Variants in BCL9 observed in about 807,000 individuals in gnomAD.
BCL9 encodes B-cell CLL/lymphoma 9 protein.
BCL9 carries 25 observed loss-of-function variants against 88.5 expected under a neutral mutation model. The ratio of observed to expected loss-of-function variants is 0.28; its 90% CI spans 0.21 to 0.39. The LOEUF (loss-of-function observed/expected upper bound fraction) is 0.39. Ranked by LOEUF, BCL9 falls within the 10% of genes least tolerant of loss-of-function variation. BCL9 has a pLI of 1.00. For missense variants in BCL9, 1,817 were observed against 1,877.8 expected, an observed-to-expected ratio of 0.97 and a Z score of 0.60; for synonymous variants, 711 against 673.3, an observed-to-expected ratio of 1.06 and a Z score of -0.87.
At position 147,545,431 on chromosome 1, in the gene BCL9, G is replaced by A. The variant is rs782461103; in HGVS notation, c.-478+3757G>A. Among the ~76,000 whole-genome samples the A allele has an allele frequency of 2.6e-5, 4 of 152,200 alleles. 1 individual carries two copies. Among genetic ancestry groups the A allele is most frequent in the African/African-American group, 4.8e-5 (2 of 41,456 alleles). On this transcript the variant is annotated intron_variant, in intron 1 of 9. Transcript: ENST00000234739. ...TCTAAGAAGAGGAGTAATCCAAGTG[G>A]GGAGTTGAGGAGTGAGTAAAACGAG...
rs1658889648 is a variant in BCL9, at chr1:147,625,355, T to C, written c.*396T>C. The C allele has an allele frequency of 3.9e-6, 1 of 259,130 alleles. No homozygotes were observed. Among genetic ancestry groups the C allele is most frequent in the Non-Finnish European group, 7.5e-6 (1 of 132,960 alleles). The allele number at this position is 259,130 out of a possible 1,614,324, so 16.1% of individuals were successfully genotyped here. ...GTTTTTGTTTTTTTGATTTGGGCTT[T>C]ATTTTTTTCTGTGTACTGTACTATA... On this transcript the variant is annotated 3_prime_UTR_variant, in exon 10 of 10. Transcript: ENST00000234739.
At chr1:147,569,997 T>C (rs1414847935) in intron 1 of BCL9, among the ~76,000 whole-genome samples, 1 of 152,192 alleles carries the variant, frequency 6.6e-6, no homozygotes, top group Non-Finnish European at 1.5e-5. Flanking sequence ...TTATGTTGAA[T>C]ATAAAGACTC....
chr1:147,563,678 G>A (rs1280810224), intron 1 of BCL9, among the ~76,000 whole-genome samples: 1 of 152,216 alleles, frequency 6.6e-6, no homozygotes, highest in Non-Finnish European at 1.5e-5. Context: ...AGTGTCCTGA[G>A]ATCATCTACT....
rs1445000830 is a variant in BCL9, at chr1:147,600,043, C to T, written c.-477-4734C>T. On this transcript the variant is annotated intron_variant, in intron 1 of 9. Transcript: ENST00000234739. ...GGAGGGGGCACCCTCCGCTCGCGTC[C>T]GAGGCGGGGCCGGCTGTACCTTTCG... Among the ~76,000 whole-genome samples, 9 of 116,226 alleles carry T rather than the reference C, an allele frequency of 7.7e-5. No homozygotes were observed. In the East Asian group the frequency reaches 1.2e-3, roughly 15 times the overall value. 76.2% of individuals were successfully genotyped at this position (116,226 alleles called of 152,430 possible). A position where few individuals can be genotyped will look rare whatever the true frequency, so the allele number is the denominator to read the frequency against.
intron 1 of BCL9, among the ~76,000 whole-genome samples, chr1:147,573,145 G>T (rs1359356923): frequency 6.6e-6 from 1 of 152,116 alleles, no homozygotes; most frequent in Non-Finnish European, 1.5e-5. Context: ...AATAATTGAT[G>T]AATATTGTTA....
rs782066688 is a variant in BCL9, at chr1:147,624,134, A to G, written c.3456A>G (p.Pro1152=). The G allele has an allele frequency of 6.3e-7, 1 of 1,595,320 alleles. No homozygotes were observed. Among genetic ancestry groups the G allele is most frequent in the Admixed American group, 1.7e-5 (1 of 58,928 alleles). Reference sequence around the variant, plus strand: ...TACAGTCTCCCCCACAGCAGGTTCCATTCCCTCACAATGGCCCCAGTGGGG... The same window carrying G: ...TACAGTCTCCCCCACAGCAGGTTCCGTTCCCTCACAATGGCCCCAGTGGGG... The part of the protein sequence containing the change: ...PPVQSPPQQV[P]FPHNGPSGGQ... The change falls in exon 10 of 10, where the codon CCA becomes CCG. Residue 1152 remains proline (P), a synonymous_variant. Coordinates refer to ENST00000234739, the MANE Select transcript of BCL9 (RefSeq NM_004326.4). This position sits in a 1 kb window ranked among gnomAD's most constrained non-coding sequence, Gnocchi z 4.4.
intron 9 of BCL9, among the ~76,000 whole-genome samples, chr1:147,623,305 GAATATGTTA>G (rs1658744032): frequency 6.6e-6 from 1 of 152,158 alleles, no homozygotes; most frequent in Non-Finnish European, 1.5e-5. Context: ...GACTGTATTA[GAATATGTTA>G]CTTTCCTTTT....
At chr1:147,567,785 C>G (rs587666983) in intron 1 of BCL9, among the ~76,000 whole-genome samples, 26 of 152,286 alleles carry the variant, frequency 1.7e-4, no homozygotes, top group East Asian at 5.8e-4. Flanking sequence ...TCCCCCTCCC[C>G]CTGCTAGGAA....
chr1:147,590,457 GCTT>G (rs1462761698), intron 1 of BCL9, among the ~76,000 whole-genome samples: 2 of 151,964 alleles, frequency 1.3e-5, no homozygotes, highest in Admixed American at 6.6e-5. Flanking sequence ...TTCTCTCCTG[GCTT>G]CTTCTCTCTT....
At chr1:147,602,361 A>G (rs1254328461) in intron 1 of BCL9, among the ~76,000 whole-genome samples, 1 of 149,248 alleles carries the variant, frequency 6.7e-6, no homozygotes, top group Non-Finnish European at 1.5e-5. Flanking sequence ...ACAGGCACGC[A>G]CCACCATGCC....
chr1:147,615,988 A>T (rs944593328), intron 7 of BCL9, 86 bp downstream of exon 7: 3 of 1,330,552 alleles, frequency 2.3e-6, no homozygotes, highest in Non-Finnish European at 3.2e-6. Flanking sequence ...ATTGATAGGA[A>T]GGTAGTCTTG....
At chr1:147,569,157 G>A (rs1655749894) in intron 1 of BCL9, among the ~76,000 whole-genome samples, 1 of 151,666 alleles carries the variant, frequency 6.6e-6, no homozygotes, top group South Asian at 2.1e-4. Flanking sequence ...ATGGACAAAG[G>A]TGTCAAGTAG....
chr1:147,572,549 T>C (rs1183348372), intron 1 of BCL9, among the ~76,000 whole-genome samples: 1 of 152,158 alleles, frequency 6.6e-6, no homozygotes, highest in Non-Finnish European at 1.5e-5. Flanking sequence ...CCTTAACACC[T>C]CTTTAGAAGG....
Position 147,624,772 on chromosome 1 carries a change from C to T in BCL9, c.4094C>T (p.Pro1365Leu), listed in dbSNP as rs782418756. The change falls in exon 10 of 10, where the codon CCT becomes CTT. Residue 1365 changes from proline to leucine, a missense_variant. By Grantham distance (98) the Pro-to-Leu change is moderately conservative. This residue lies in a region of BCL9 where 589 missense variants were observed against 686.2 expected (regional missense o/e 0.86). Coordinates refer to ENST00000234739, the MANE Select transcript of BCL9 (RefSeq NM_004326.4). This position sits in a 1 kb window ranked among gnomAD's most constrained non-coding sequence, Gnocchi z 4.4. ...VGMIPGKDRG[P>L]AGLYTHPGPV... ...ATGATTCCTGGCAAGGATCGGGGGC[C>T]TGCCGGGCTCTACACCCACCCTGGG... The T allele has an allele frequency of 6.2e-7, 1 of 1,614,134 alleles. No homozygotes were observed.
chr1:147,594,656 A>G (rs987216006), intron 1 of BCL9, among the ~76,000 whole-genome samples: 2 of 152,230 alleles, frequency 1.3e-5, no homozygotes, highest in Non-Finnish European at 2.9e-5. Context: ...AAGAACAACA[A>G]TTAAGAGACA....
chr1:147,558,378 T>C (rs1224421479), intron 1 of BCL9, among the ~76,000 whole-genome samples: 1 of 152,132 alleles, frequency 6.6e-6, no homozygotes, highest in African/African-American at 2.4e-5. Flanking sequence ...TCTTTGGACT[T>C]CTCTCCCAAA....
At chr1:147,587,069 A>C (rs1656643929) in intron 1 of BCL9, among the ~76,000 whole-genome samples, 4 of 146,814 alleles carry the variant, frequency 2.7e-5, no homozygotes, top group East Asian at 2.0e-4. Context: ...CTCTCTCCCC[A>C]CCCAACCCCG....
chr1:147,620,961 TCTC>T lies in BCL9; in HGVS notation c.2808_2810del (p.Pro937del), dbSNP rs1658605485. 1 of 1,613,940 alleles carries T rather than the reference TCTC, an allele frequency of 6.2e-7. No homozygotes were observed. The highest frequency in any genetic ancestry group is 1.3e-5 in the African/African-American group (1 of 74,862). ...TGCCCCGTCACCTGGATGGACCTCT[TCTC>T]CAAAACCTCCCCTTCAGAGTCCTGG... On this transcript the variant is annotated inframe_deletion, in exon 8 of 10. Transcript: ENST00000234739.
chr1:147,575,476 CA>C (rs1439476080), intron 1 of BCL9, among the ~76,000 whole-genome samples: 2 of 152,160 alleles, frequency 1.3e-5, no homozygotes, highest in African/African-American at 4.8e-5. Flanking sequence ...AATGAATTGT[CA>C]GAAGTTACCC....
Sources: allele counts gnomAD v4.1 joint callset (sites outside exome capture counted in the v4.1 genomes callset), GRCh38; gene constraint gnomAD v4.1.1; regional missense constraint gnomAD v4.1.1; non-coding constraint Gnocchi (gnomAD v3.1); transcripts MANE v1.5; gene names NCBI Gene and HGNC (gene_info 2026-07-23, HGNC 2026-07-21).